Variants in WWP2 observed in about 807,000 individuals in gnomAD.
The protein encoded by WWP2 is NEDD4-like E3 ubiquitin-protein ligase WWP2.
A neutral mutation model predicts 121.0 loss-of-function variants in WWP2; 57 were observed. The ratio of observed to expected loss-of-function variants is 0.47; its 90% CI spans 0.38 to 0.59. The LOEUF (loss-of-function observed/expected upper bound fraction) is 0.59. Ranked by LOEUF, WWP2 falls within the 20% of genes least tolerant of loss-of-function variation. The pLI is 0.00. For missense variants in WWP2, 962 were observed against 1,158.9 expected (o/e 0.83, Z 2.47); for synonymous variants, 449 against 441.3 (o/e 1.02, Z -0.22).
intron 6 of WWP2, among the ~76,000 whole-genome samples, chr16:69,859,931 G>C (rs1320326943): frequency 7.8e-6 from 1 of 127,448 alleles, no homozygotes; most frequent in Non-Finnish European, 1.6e-5. Context: ...CGACATACTT[G>C]ACGACATACT....
chr16:69,910,728 C>T (rs571882951), intron 9 of WWP2, among the ~76,000 whole-genome samples: 18 of 152,156 alleles, frequency 1.2e-4, no homozygotes, highest in African/African-American at 4.1e-4. Flanking sequence ...TTCTTCTTAA[C>T]CTCTCTTGTC....
At chr16:69,806,953 TATTCATTC>T (rs200681828) in intron 4 of WWP2, among the ~76,000 whole-genome samples, 1,616 of 146,142 alleles carry the variant, frequency 0.011, 28 homozygotes, top group East Asian at 0.062. Context: ...TTTATTTATT[TATTCATTC>T]ATTCATTCAT....
In WWP2 at chr16:69,925,348, T is replaced by C. The variant is rs1444380414; in HGVS notation, c.1180-82T>C. The C allele has an allele frequency of 1.9e-6, 3 of 1,581,512 alleles. No individual in the cohort carries two copies. The highest frequency in any genetic ancestry group is 1.1e-5 in the South Asian group (1 of 87,752). ...CAAATGTGGAAGCCAGTCATTGGCA[T>C]TTTTATTTTTTATTGATTGATTGAT... is the stretch of plus-strand genomic sequence containing the variant. On this transcript the variant is annotated intron_variant, in intron 10 of 23. Transcript: ENST00000359154. This position sits in a 1 kb window ranked among gnomAD's most constrained non-coding sequence, Gnocchi z 4.0.
chr16:69,921,706 T>C (rs1408588396), intron 10 of WWP2, among the ~76,000 whole-genome samples: 1 of 152,232 alleles, frequency 6.6e-6, no homozygotes, highest in Non-Finnish European at 1.5e-5. Flanking sequence ...GGCACAGCCT[T>C]GCACATTGTG....
intron 4 of WWP2, among the ~76,000 whole-genome samples, chr16:69,801,007 G>A (rs1378889128): frequency 6.7e-6 from 1 of 148,294 alleles, no homozygotes; most frequent in African/African-American, 2.4e-5. Context: ...CCAATATGGC[G>A]AAACCCTGTT....
intron 8 of WWP2, 89 bp downstream of exon 8, chr16:69,888,338 CCTAGTGG>C (rs2057965001): frequency 7.2e-7 from 1 of 1,384,948 alleles, no homozygotes; most frequent in Middle Eastern, 2.1e-4. Flanking sequence ...TTATTTATTA[CCTAGTGG>C]CTAGTAGCCT....
intron 23 of WWP2, 29 bp downstream of exon 23, chr16:69,939,442 G>A (rs758219208): frequency 3.4e-5 from 54 of 1,611,082 alleles, no homozygotes; most frequent in African/African-American, 4.0e-5. Flanking sequence ...GTGGGAGGTC[G>A]GGGGGCCTCA....
In WWP2 at chr16:69,935,216, C is replaced by G. The variant is rs1038209385; in HGVS notation, c.1843-637C>G. Among the ~76,000 whole-genome samples the G allele has an allele frequency of 2.6e-5, 4 of 152,164 alleles. No homozygotes were observed. The highest frequency in any genetic ancestry group is 9.7e-5 in the African/African-American group (4 of 41,442). On this transcript the variant is annotated intron_variant, in intron 17 of 23. Transcript: ENST00000359154. The surrounding 1 kb of genome is among the most constrained non-coding windows in gnomAD (Gnocchi z 5.2). ...TTCCTGAGTGTCCCACCCGGCTCCCCTCTTAGGAGGACCCAAGCGCCCCAT... is the reference window on the plus strand; with the variant it reads ...TTCCTGAGTGTCCCACCCGGCTCCCGTCTTAGGAGGACCCAAGCGCCCCAT...
chr16:69,822,832 T>C (rs1036770486), intron 4 of WWP2, among the ~76,000 whole-genome samples: 1 of 152,156 alleles, frequency 6.6e-6, no homozygotes. Context: ...CTACTAGCCA[T>C]ATTAAAAATA....
intron 6 of WWP2, among the ~76,000 whole-genome samples, chr16:69,851,485 G>A (rs1462256190): frequency 1.3e-5 from 2 of 152,004 alleles, no homozygotes; most frequent in African/African-American, 2.4e-5. Flanking sequence ...TGGGATTTAC[G>A]TTTCTTTCAC....
At chr16:69,763,882 T>C (rs540071876) in intron 1 of WWP2, among the ~76,000 whole-genome samples, 16 of 152,360 alleles carry the variant, frequency 1.1e-4, no homozygotes, top group South Asian at 1.0e-3. Flanking sequence ...TTCTACTCTT[T>C]TTCTTGTCAG....
intron 6 of WWP2, among the ~76,000 whole-genome samples, chr16:69,856,325 C>T (rs2057311911): frequency 6.6e-6 from 1 of 152,012 alleles, no homozygotes; most frequent in South Asian, 2.1e-4. Flanking sequence ...TGCAAAGGGG[C>T]ACAAGGAAAT....
chr16:69,823,593 A>G (rs1333384875), intron 4 of WWP2, among the ~76,000 whole-genome samples: 1 of 150,938 alleles, frequency 6.6e-6, no homozygotes, highest in African/African-American at 2.4e-5. Flanking sequence ...TCAGCCTCCC[A>G]AGTAGCTGGG....
At chr16:69,847,668 A>G (rs945797782) in intron 6 of WWP2, among the ~76,000 whole-genome samples, 1 of 151,966 alleles carries the variant, frequency 6.6e-6, no homozygotes, top group African/African-American at 2.4e-5. Context: ...TCGGCCTCCT[A>G]AAGTGCTGGG....
chr16:69,792,698 C>T (rs1016811541), intron 2 of WWP2, among the ~76,000 whole-genome samples: 3 of 152,078 alleles, frequency 2.0e-5, no homozygotes, highest in African/African-American at 7.2e-5. Flanking sequence ...ATGTAGTATT[C>T]TTCTTTCTTT....
At chr16:69,931,120 C>A in intron 13 of WWP2, 32 bp from the exon 14 acceptor site, 4 of 1,607,062 alleles carry the variant, frequency 2.5e-6, no homozygotes, top group Middle Eastern at 3.3e-4. Flanking sequence ...TGAGAAATCG[C>A]ATGAACCCCT....
rs894634763 is a variant in WWP2, at chr16:69,774,178, T to C, written c.-16+11787T>C. 4.6e-5 allele frequency among the ~76,000 whole-genome samples: 7 copies of C among 152,218 alleles called. No homozygotes were observed. In the East Asian group the frequency reaches 7.7e-4, roughly 17 times the overall value. ...ACATTCAATTACATCTGTTATCTTATTGTTATTCTTTCCATCTTACATTTC... is the reference window on the plus strand; with the variant it reads ...ACATTCAATTACATCTGTTATCTTACTGTTATTCTTTCCATCTTACATTTC... On this transcript the variant is annotated intron_variant, in intron 1 of 23. Coordinates refer to ENST00000359154, the MANE Select transcript of WWP2 (RefSeq NM_001270454.2).
chr16:69,762,574 C>T (rs2038636033), intron 1 of WWP2, among the ~76,000 whole-genome samples, 183 bp downstream of exon 1: 1 of 151,110 alleles, frequency 6.6e-6, no homozygotes, highest in African/African-American at 2.4e-5. Context: ...CCGGCTCCCG[C>T]CCGAGTGGGG....
At position 69,935,380 on chromosome 16, in the gene WWP2, A is replaced by G. The variant is rs1421625576; in HGVS notation, c.1843-473A>G. 6.6e-6 allele frequency among the ~76,000 whole-genome samples: 1 copy of G among 151,928 alleles called. No homozygotes were observed. Among genetic ancestry groups the G allele is most frequent in the African/African-American group, 2.4e-5 (1 of 41,358 alleles). ...GCAGCCAGCAGGACAGACCGGTAAA[A>G]CCCTAGACTATTACTCACCATTGGC... On this transcript the variant is annotated intron_variant, in intron 17 of 23. Transcript: ENST00000359154. The surrounding 1 kb of genome is among the most constrained non-coding windows in gnomAD (Gnocchi z 5.2).
Sources: gnomAD v4.1 joint callset for allele counts (sites outside exome capture counted in the v4.1 genomes callset) on GRCh38, gnomAD v4.1.1 for gene constraint, Gnocchi (gnomAD v3.1) non-coding constraint, MANE v1.5 for transcripts, NCBI Gene and HGNC (gene_info 2026-07-23, HGNC 2026-07-21) for gene names.